The following CLEC4M variants were observed in gnomAD, a reference collection of about 807,000 sequenced individuals.
CLEC4M encodes the protein C-type lectin domain family 4 member M.
In CLEC4M, 25 loss-of-function variants were observed where a neutral mutation model predicts 39.1. The ratio of observed to expected loss-of-function variants is 0.64; its 90% CI spans 0.47 to 0.89. CLEC4M has a LOEUF of 0.89. Among genes scored for constraint, CLEC4M ranks in the 40% least tolerant of loss-of-function variants. The pLI, the probability that CLEC4M is intolerant of heterozygous loss-of-function variation, is 0.00. For synonymous variants in CLEC4M, 155 were observed against 177.4 expected, an observed-to-expected ratio of 0.87 and a Z score of 1.00; for missense variants, 353 against 431.4, an observed-to-expected ratio of 0.82 and a Z score of 1.61.
At position 7,765,253 on chromosome 19, in the gene CLEC4M, G is replaced by A. The variant is rs978394605; in HGVS notation, c.199G>A (p.Ala67Thr). 8 of 1,614,130 alleles carry A rather than the reference G, an allele frequency of 5.0e-6. No homozygotes were observed. In the South Asian group the frequency reaches 6.6e-5, roughly 13 times the overall value. Residue 67 changes from alanine to threonine, a missense_variant, in exon 3 of 7, where the codon GCC becomes ACC. This residue lies in a region of CLEC4M where 91 missense variants were observed against 77.8 expected (regional missense o/e 1.17). Coordinates refer to ENST00000327325, the MANE Select transcript of CLEC4M (RefSeq NM_014257.5). ...SFMLLAGVLVAILVQVSKVPS... is the reference protein window; with the variant it reads ...SFMLLAGVLVTILVQVSKVPS... Reference sequence around the variant, plus strand: ...CATGCTCTTGGCTGGGGTCCTGGTGGCCATCCTTGTCCAAGGTCAGGGGCA... The same window carrying A: ...CATGCTCTTGGCTGGGGTCCTGGTGACCATCCTTGTCCAAGGTCAGGGGCA...
intron 2 of CLEC4M, among the ~76,000 whole-genome samples, chr19:7,764,343 CT>C (rs1230925149): frequency 6.6e-6 from 1 of 152,138 alleles, no homozygotes; most frequent in Non-Finnish European, 1.5e-5. Flanking sequence ...TTGAGTTTAT[CT>C]GCCTAGTGAC....
intron 4 of CLEC4M, 32 bp from the exon 5 acceptor site, chr19:7,766,624 T>C (rs921088150): frequency 1.2e-6 from 2 of 1,613,712 alleles, no homozygotes; most frequent in Non-Finnish European, 1.7e-6. Context: ...CAACCTAATC[T>C]GAGCCCAGCC....
At chr19:7,766,248 T>G (rs1261074883) in intron 4 of CLEC4M, 41 bp downstream of exon 4, 2 of 1,611,056 alleles carry the variant, frequency 1.2e-6, no homozygotes, top group Non-Finnish European at 1.7e-6. Context: ...CCTGAGATGG[T>G]CTCTGTGTGA....
rs1360562189 is a variant in CLEC4M, at chr19:7,763,284, A to G, written c.18A>G (p.Glu6=). 2.5e-6 allele frequency: 4 copies of G among 1,606,698 alleles called. No homozygotes were observed. The highest frequency in any genetic ancestry group is 3.4e-6 in the Non-Finnish European group (4 of 1,176,604). The change falls in exon 1 of 7, where the codon GAA becomes GAG. Residue 6 remains glutamate, a synonymous_variant. Coordinates refer to ENST00000327325, the MANE Select transcript of CLEC4M (RefSeq NM_014257.5). ...GGGAAAACATGAGTGACTCCAAGGA[A>G]CCAAGGGTGCAGCAGCTGGGCCTCC... MSDSK[E]PRVQQLGLLE... is the part of the protein sequence containing the mutation.
intron 2 of CLEC4M, among the ~76,000 whole-genome samples, chr19:7,764,498 A>T (rs561349458): frequency 4.8e-4 from 73 of 150,864 alleles, no homozygotes; most frequent in South Asian, 1.3e-3. Context: ...TTATTTATTT[A>T]TTTTTTTTGA....
At position 7,769,155 on chromosome 19, in the gene CLEC4M, G is replaced by C. The variant is rs1420325231; in HGVS notation, c.*167G>C. 4 of 625,712 alleles carry C rather than the reference G, an allele frequency of 6.4e-6. No individual in the cohort carries two copies. The highest frequency in any genetic ancestry group is 1.1e-5 in the Non-Finnish European group (4 of 372,048). The allele number at this position is 625,712 out of a possible 1,614,324, so 38.8% of individuals were successfully genotyped here. A position where few individuals can be genotyped will look rare whatever the true frequency, so the allele number is the denominator to read the frequency against. The stretch of plus-strand genomic sequence containing the variant: ...CTGGGTCTTATTCTGTCCTTCTGAT[G>C]CCTCCAAGTTTCCCTGGTGTAGAGC... On this transcript the variant is annotated 3_prime_UTR_variant, in exon 7 of 7. Transcript: ENST00000327325.
At chr19:7,768,562 C>A in intron 6 of CLEC4M, 1 of 252,576 alleles carries the variant, frequency 4.0e-6, no homozygotes, top group Non-Finnish European at 7.7e-6. Context: ...GGCAACAGAG[C>A]GAGAATCTGT....
intron 2 of CLEC4M, among the ~76,000 whole-genome samples, chr19:7,764,529 C>T (rs560504360): frequency 1.3e-3 from 196 of 151,954 alleles, no homozygotes; most frequent in African/African-American, 4.5e-3. Context: ...TGCTCTGTCA[C>T]CCAGGCTGGA....
chr19:7,767,488 C>T (rs1321876383), intron 5 of CLEC4M, 28 bp from the exon 6 acceptor site: 1 of 1,555,710 alleles, frequency 6.4e-7, no homozygotes, highest in Non-Finnish European at 8.9e-7. Flanking sequence ...AAGCAGAGCT[C>T]CCTCCTGACT....
intron 2 of CLEC4M, among the ~76,000 whole-genome samples, chr19:7,764,653 G>A (rs2335528): frequency 1.3e-5 from 2 of 151,430 alleles, no homozygotes; most frequent in African/African-American, 4.9e-5. Flanking sequence ...CACCACGCCC[G>A]GCTAATTTTT....
intron 6 of CLEC4M, 94 bp from the exon 7 acceptor site, chr19:7,768,744 A>G: frequency 2.1e-6 from 3 of 1,426,162 alleles, no homozygotes; most frequent in Non-Finnish European, 2.9e-6. Context: ...ATACACATGT[A>G]GGGCAGATGT....
rs769734446 is a variant in CLEC4M at position 7,766,818 on chromosome 19, T to TG, written c.936+16dup. 21 of 1,614,046 alleles carry TG rather than the reference T, an allele frequency of 1.3e-5. No individual in the cohort carries two copies. In the South Asian group the frequency reaches 2.2e-4, roughly 17 times the overall value. ...ACTGCTGAGGAGCAGGTACACGTGG[T>TG]GGGGGTCCTCGTCCTGGCCTGGGGC... On this transcript the variant is annotated intron_variant, in intron 5 of 6. Transcript: ENST00000327325.
In CLEC4M at chr19:7,766,379, A is replaced by C. The variant is rs2034275934; in HGVS notation, c.784+172A>C. 3 of 1,468,862 alleles carry C rather than the reference A, an allele frequency of 2.0e-6. No individual in the cohort carries two copies. The African/African-American group carries it at 4.2e-5, about 21-fold the overall frequency. 91.0% of individuals were successfully genotyped at this position (1,468,862 alleles called of 1,614,324 possible). ...TCACAGTGGGCCAGGCACACAGTAG[A>C]CACTCAGTTCAACCAATCCGCTGCC... On this transcript the variant is annotated intron_variant, in intron 4 of 6. Coordinates refer to ENST00000327325, the MANE Select transcript of CLEC4M (RefSeq NM_014257.5).
intron 4 of CLEC4M, 80 bp downstream of exon 4, chr19:7,766,287 C>T (rs1568204161): frequency 6.3e-7 from 1 of 1,581,966 alleles, no homozygotes; most frequent in Non-Finnish European, 8.6e-7. Context: ...ACCAACCCTG[C>T]CTGAGCCTCA....
intron 2 of CLEC4M, among the ~76,000 whole-genome samples, chr19:7,764,864 A>G (rs2034178895): frequency 6.6e-6 from 1 of 152,044 alleles, no homozygotes; most frequent in Non-Finnish European, 1.5e-5. Context: ...CTTACATACA[A>G]CTGAGTTTTT....
chr19:7,767,318 A>G (rs2034321347), intron 5 of CLEC4M, 198 bp from the exon 6 acceptor site: 3 of 568,658 alleles, frequency 5.3e-6, no homozygotes, highest in Non-Finnish European at 9.5e-6. Context: ...CCAGCTGTGC[A>G]TGCGTGCCTG....
intron 6 of CLEC4M, chr19:7,767,878 A>G: frequency 5.1e-6 from 2 of 394,630 alleles, no homozygotes; most frequent in East Asian, 4.1e-5. Context: ...CAGTGTATTA[A>G]TAGGAAGTCT....
In CLEC4M at chr19:7,767,541, G is replaced by T; in HGVS notation, c.962G>T (p.Arg321Met). 6.2e-7 allele frequency: 1 copy of T among 1,614,192 alleles called. No individual in the cohort carries two copies. Among genetic ancestry groups the T allele is most frequent in the Non-Finnish European group, 8.5e-7 (1 of 1,180,008 alleles). Residue 321 changes from arginine (R) to methionine (M), a missense_variant, in exon 6 of 7, where the codon AGG becomes ATG. Physicochemically the swap from Arg to Met is moderately conservative, Grantham distance 91 (BLOSUM62 -1). Around this residue, in one of 4 missense-constraint regions of CLEC4M, gnomAD observed 196 missense variants for 211.7 expected, o/e 0.93. Transcript: ENST00000327325. ...AACTTCCTACAGCTGCAGACTTCCAGGAGTAACCGCTTCTCCTGGATGGGA... is the reference window on the plus strand; with the variant it reads ...AACTTCCTACAGCTGCAGACTTCCATGAGTAACCGCTTCTCCTGGATGGGA... ...EQNFLQLQTSRSNRFSWMGLS... is the reference protein window; with the variant it reads ...EQNFLQLQTSMSNRFSWMGLS...
Position 7,767,615 on chromosome 19 carries a change from C to G in CLEC4M, c.1036C>G (p.Pro346Ala). Residue 346 changes from proline (P) to alanine (A), a missense_variant, in exon 6 of 7, where the codon CCT becomes GCT. By Grantham distance (27) the Pro-to-Ala change is conservative (BLOSUM62 -1). Around this residue, in one of 4 missense-constraint regions of CLEC4M, gnomAD observed 196 missense variants for 211.7 expected, o/e 0.93. Transcript: ENST00000327325. The stretch of plus-strand genomic sequence containing the variant: ...CACGTGGCAATGGGTGGACGGCTCA[C>G]CTCTGTCACCCAGGTAGATTCTGGG... ...EGTWQWVDGS[P>A]LSPSFQRYWN... 1.2e-6 allele frequency: 2 copies of G among 1,613,828 alleles called. No homozygotes were observed. Among genetic ancestry groups the G allele is most frequent in the Non-Finnish European group, 1.7e-6 (2 of 1,179,686 alleles).
Sources: gnomAD v4.1 joint callset for allele counts (sites outside exome capture counted in the v4.1 genomes callset) on GRCh38, gnomAD v4.1.1 for gene constraint, gnomAD v4.1.1 regional missense constraint, MANE v1.5 for transcripts, NCBI Gene and HGNC (gene_info 2026-07-23, HGNC 2026-07-21) for gene names.